The following PCSK2 variants were observed in gnomAD, a reference collection of about 807,000 sequenced individuals.
PCSK2 encodes the protein proprotein convertase subtilisin/kexin type 2, also known as neuroendocrine convertase 2.
Under a neutral mutation model 69.7 loss-of-function variants are expected in PCSK2, and 14 were observed. The ratio of observed to expected loss-of-function variants is 0.20; its 90% CI spans 0.13 to 0.31. The LOEUF (loss-of-function observed/expected upper bound fraction) is 0.31. Ranked by LOEUF, PCSK2 falls within the 10% of genes least tolerant of loss-of-function variation. The pLI is 1.00. For synonymous variants in PCSK2, 307 were observed against 320.7 expected, an observed-to-expected ratio of 0.96 and a Z score of 0.46; for missense variants, 544 against 842.5, an observed-to-expected ratio of 0.65 and a Z score of 4.39.
chr20:17,334,418 G>A (rs1990290977), intron 2 of PCSK2, among the ~76,000 whole-genome samples: 2 of 152,108 alleles, frequency 1.3e-5, no homozygotes, highest in African/African-American at 2.4e-5. Context: ...AATTAACTTG[G>A]GTATGCCACA....
At chr20:17,303,453 TATTAAATATAA>T (rs1568593294) in intron 2 of PCSK2, among the ~76,000 whole-genome samples, 16 of 104,748 alleles carry the variant, frequency 1.5e-4, no homozygotes, top group Non-Finnish European at 2.7e-4. Flanking sequence ...ATATATATTA[TATTAAATATAA>T]TATATATTAT....
intron 2 of PCSK2, among the ~76,000 whole-genome samples, chr20:17,281,252 C>T (rs577090062): frequency 6.6e-6 from 1 of 152,332 alleles, no homozygotes; most frequent in Admixed American, 6.5e-5. Flanking sequence ...AGGCTTCTCC[C>T]TTATCGACAA....
At chr20:17,315,540 C>T (rs1989657950) in intron 2 of PCSK2, among the ~76,000 whole-genome samples, 2 of 152,150 alleles carry the variant, frequency 1.3e-5, no homozygotes, top group South Asian at 4.1e-4. Context: ...ACCTGCGACT[C>T]CCGGCGCCTT....
chr20:17,366,567 G>A (rs1446102672), intron 4 of PCSK2, among the ~76,000 whole-genome samples: 4 of 152,276 alleles, frequency 2.6e-5, no homozygotes, highest in Admixed American at 2.0e-4. Flanking sequence ...AACATAAGCC[G>A]ATTAGGAAGA....
intron 5 of PCSK2, among the ~76,000 whole-genome samples, chr20:17,385,771 G>T (rs1398953642): frequency 6.6e-6 from 1 of 152,160 alleles, no homozygotes; most frequent in Non-Finnish European, 1.5e-5. Context: ...TCAATACAGG[G>T]TGTGCACAAG....
At chr20:17,397,089 C>T (rs567835388) in intron 5 of PCSK2, among the ~76,000 whole-genome samples, 18 of 152,314 alleles carry the variant, frequency 1.2e-4, no homozygotes, top group African/African-American at 3.6e-4. Flanking sequence ...TGTGCATCTC[C>T]GTTTTTGCTA....
chr20:17,433,450 G>A (rs557279706), intron 7 of PCSK2, among the ~76,000 whole-genome samples: 2 of 152,324 alleles, frequency 1.3e-5, no homozygotes, highest in Admixed American at 1.3e-4. Context: ...GATGAGCACC[G>A]AAGTTTGTGG....
chr20:17,318,378 A>C (rs1267214818), intron 2 of PCSK2, among the ~76,000 whole-genome samples: 2 of 152,188 alleles, frequency 1.3e-5, no homozygotes, highest in Admixed American at 6.5e-5. Flanking sequence ...AAATGTATTG[A>C]AGTCGAGTTG....
At chr20:17,302,199 G>A (rs1222981603) in intron 2 of PCSK2, among the ~76,000 whole-genome samples, 6 of 152,082 alleles carry the variant, frequency 3.9e-5, no homozygotes, top group African/African-American at 7.2e-5. Context: ...GTCAAAACAG[G>A]TGATACTAAA....
At chr20:17,460,269 TA>T (rs140714994) in intron 10 of PCSK2, among the ~76,000 whole-genome samples, 3,173 of 149,782 alleles carry the variant, frequency 0.021, 125 homozygotes, top group African/African-American at 0.074. Flanking sequence ...AAGAGAAAAA[TA>T]AAAAAAGAAA....
At position 17,290,554 on chromosome 20, in the gene PCSK2, A is replaced by C. The variant is rs56336849; in HGVS notation, c.282+30210A>C. On this transcript the variant is annotated intron_variant, in intron 2 of 11. Transcript: ENST00000262545. Reference sequence around the variant, plus strand: ...GTTTACTAATGGAAATATTAAGACTACTCCTAGACGTTAAATAACTGGCCC... The same window carrying C: ...GTTTACTAATGGAAATATTAAGACTCCTCCTAGACGTTAAATAACTGGCCC... Among the ~76,000 whole-genome samples, 477 of 152,154 alleles carry C rather than the reference A, an allele frequency of 3.1e-3. 4 individuals are homozygous for C. The highest frequency in any genetic ancestry group is 0.011 in the African/African-American group (461 of 41,488).
Position 17,433,812 on chromosome 20 carries a change from T to TCTCTCTCTCTCTCC in PCSK2, c.710-2895_710-2894insTCTCTCTCTCTCCC, listed in dbSNP as rs774361715. ...CTCTCTCTCTCTCTCTCTCTCTCTC[T>TCTCTCTCTCTCTCC]CCCCCCACTTCCTTCCCTCCTCCTC... On this transcript the variant is annotated intron_variant, in intron 7 of 11. Transcript: ENST00000262545. Among the ~76,000 whole-genome samples the TCTCTCTCTCTCTCC allele has an allele frequency of 8.1e-4, 84 of 104,168 alleles. 4 individuals carry two copies. Among genetic ancestry groups the TCTCTCTCTCTCTCC allele is most frequent in the African/African-American group, 3.2e-3 (77 of 24,292 alleles). 68.3% of individuals were successfully genotyped at this position (104,168 alleles called of 152,430 possible). A position where few individuals can be genotyped will look rare whatever the true frequency, so the allele number is the denominator to read the frequency against.
intron 1 of PCSK2, among the ~76,000 whole-genome samples, chr20:17,258,289 A>G (rs1479085596): frequency 2.0e-5 from 3 of 152,180 alleles, no homozygotes. Context: ...CTGAGATTCA[A>G]CTTTTTTATT....
At chr20:17,481,388 CAAAAAA>C (rs3076146) in intron 11 of PCSK2, among the ~76,000 whole-genome samples, 190 bp from the exon 12 acceptor site, 20,291 of 65,688 alleles carry the variant, frequency 0.31, 2,464 homozygotes, top group Middle Eastern at 0.47. Context: ...TCTCAAAAGA[CAAAAAA>C]AAAAAAAAAA....
In PCSK2 at chr20:17,456,725, G is replaced by A. The variant is rs76692210; in HGVS notation, c.1202+277G>A. Among the ~76,000 whole-genome samples the A allele has an allele frequency of 5.9e-3, 897 of 152,330 alleles. 17 individuals are homozygous for A. The highest frequency in any genetic ancestry group is 0.02 in the African/African-American group (813 of 41,568). On this transcript the variant is annotated intron_variant, in intron 10 of 11. Transcript: ENST00000262545. Reference sequence around the variant, plus strand: ...TTAGCAACTTACTCAGATACCCAGTGAAGGCACAGAGATATTTCTTTCTTC... The same window carrying A: ...TTAGCAACTTACTCAGATACCCAGTAAAGGCACAGAGATATTTCTTTCTTC...
At chr20:17,264,353 CAT>C (rs1043424556) in intron 2 of PCSK2, among the ~76,000 whole-genome samples, 3 of 152,172 alleles carry the variant, frequency 2.0e-5, no homozygotes, top group Non-Finnish European at 4.4e-5. Context: ...CATTTTTAAA[CAT>C]GTTTCAGTTT....
intron 2 of PCSK2, among the ~76,000 whole-genome samples, chr20:17,307,830 T>TA (rs1002343486): frequency 1.3e-5 from 2 of 152,142 alleles, no homozygotes; most frequent in Non-Finnish European, 2.9e-5. Context: ...CACTTTGCTA[T>TA]AAAAAAACAC....
chr20:17,293,854 T>C (rs1451386659), intron 2 of PCSK2, among the ~76,000 whole-genome samples: 1 of 152,204 alleles, frequency 6.6e-6, no homozygotes, highest in Non-Finnish European at 1.5e-5. Flanking sequence ...TTTTCTGTGC[T>C]TCTTTACAGT....
At chr20:17,480,636 T>G (rs2033383422) in intron 11 of PCSK2, among the ~76,000 whole-genome samples, 1 of 152,236 alleles carries the variant, frequency 6.6e-6, no homozygotes, top group South Asian at 2.1e-4. Context: ...ACTTGGGTGC[T>G]GACAGTTTTT....
Sources: allele counts gnomAD v4.1 joint callset (sites outside exome capture counted in the v4.1 genomes callset), GRCh38; gene constraint gnomAD v4.1.1; transcripts MANE v1.5; gene names NCBI Gene and HGNC (gene_info 2026-07-23, HGNC 2026-07-21).